ZNF18: variants seen among roughly 807,000 people sequenced by gnomAD.
ZNF18 encodes zinc finger protein 18.
In ZNF18, 42 loss-of-function variants were observed where a neutral mutation model predicts 58.1. That is an observed-to-expected ratio of 0.72 (90% CI 0.56 to 0.93). The LOEUF is 0.93. Among genes scored for constraint, ZNF18 ranks in the 40% least tolerant of loss-of-function variants. The pLI is 0.00. For synonymous variants in ZNF18, 231 were observed against 239.8 expected, an observed-to-expected ratio of 0.96 and a Z score of 0.34; for missense variants, 540 against 644.2, an observed-to-expected ratio of 0.84 and a Z score of 1.75.
At chr17:12,014,387 T>C in the ZNF18 span, among the ~76,000 whole-genome samples, 1 of 152,206 alleles carries the variant, frequency 6.6e-6, no homozygotes, top group Non-Finnish European at 1.5e-5. Flanking sequence ...TGACCCAAAA[T>C]GTCCATCAAT....
At chr17:12,019,616 T>A in the ZNF18 span, among the ~76,000 whole-genome samples, 1 of 152,052 alleles carries the variant, frequency 6.6e-6, no homozygotes, top group Non-Finnish European at 1.5e-5. Context: ...TCACCTTCAA[T>A]TTGCCTTTAA....
At chr17:12,010,258 G>T in the ZNF18 span, among the ~76,000 whole-genome samples, 1 of 151,772 alleles carries the variant, frequency 6.6e-6, no homozygotes, top group African/African-American at 2.4e-5. Context: ...GTAATTCTTC[G>T]CTATTCTAGT....
In ZNF18 at chr17:11,989,031, C is replaced by T. The variant is rs547813405; in HGVS notation, c.666+1431G>A. On this transcript the variant is annotated intron_variant, in intron 4 of 6. Transcript: ENST00000580306. ...AAAATTAGTCAGGCATGGTGGCACA[C>T]GCCTGTAATCCCAGCTACTCAGGAG... 5.9e-5 allele frequency among the ~76,000 whole-genome samples: 9 copies of T among 152,110 alleles called. No individual in the cohort carries two copies. The East Asian group carries it at 7.8e-4, about 13-fold the overall frequency.
chr17:12,019,108 C>T, the ZNF18 span, among the ~76,000 whole-genome samples: 1 of 151,956 alleles, frequency 6.6e-6, no homozygotes, highest in South Asian at 2.1e-4. Context: ...GTACCTGCCA[C>T]CACACCGGCT....
the ZNF18 span, among the ~76,000 whole-genome samples, chr17:12,003,967 T>G: frequency 2.0e-5 from 3 of 152,102 alleles, no homozygotes; most frequent in Admixed American, 2.0e-4. Context: ...GTGCAGTGAC[T>G]CACGCCTGTA....
chr17:11,983,915 C>T lies in ZNF18; in HGVS notation c.751+198G>A, dbSNP rs149392479. ...GTACCCACAAACAGTTCCTGGCACA[C>T]GGAATACTTTCAATACAAGGAAGTT... On this transcript the variant is annotated intron_variant, in intron 5 of 6. Coordinates refer to ENST00000580306, the MANE Select transcript of ZNF18 (RefSeq NM_001303281.2). Among the ~76,000 whole-genome samples, 107 of 152,272 alleles carry T rather than the reference C, an allele frequency of 7.0e-4. 3 individuals are homozygous for T. In the East Asian group the frequency reaches 0.015, roughly 21 times the overall value.
intron 5 of ZNF18, 80 bp downstream of exon 5, chr17:11,984,033 G>A: frequency 7.7e-7 from 1 of 1,290,924 alleles, no homozygotes; most frequent in Non-Finnish European, 1.1e-6. Context: ...TTCAGCAGAT[G>A]TCTCTATAAG....
chr17:11,979,180 G>A (rs1017277305), intron 6 of ZNF18, among the ~76,000 whole-genome samples: 7 of 150,348 alleles, frequency 4.7e-5, no homozygotes, highest in South Asian at 2.1e-4. Context: ...AACCAAATCC[G>A]CCTCAATCTT....
At chr17:11,989,329 CA>C (rs1967952886) in intron 4 of ZNF18, among the ~76,000 whole-genome samples, 1 of 151,842 alleles carries the variant, frequency 6.6e-6, no homozygotes, top group African/African-American at 2.4e-5. Context: ...TGTCTCAAAA[CA>C]AACGAAAAAG....
the ZNF18 span, among the ~76,000 whole-genome samples, chr17:12,004,705 A>G: frequency 0.63 from 95,235 of 151,832 alleles, 30,549 homozygotes; most frequent in East Asian, 0.81. Context: ...TGGCCAACAT[A>G]GAGAAACCAT....
chr17:11,991,261 T>C lies in ZNF18; in HGVS notation c.388-98A>G, dbSNP rs956165287. ...TCTCTACAACAGATCATAAGACAAT[T>C]TCTAAGGATGTGGAGAAAGAGAAAA... On this transcript the variant is annotated intron_variant, in intron 2 of 6. Transcript: ENST00000580306. The C allele has an allele frequency of 4.4e-5, 49 of 1,108,934 alleles. No individual in the cohort carries two copies. The East Asian group carries it at 6.9e-4, about 16-fold the overall frequency. The allele number at this position is 1,108,934 out of a possible 1,614,324, so 68.7% of individuals were successfully genotyped here.
At chr17:11,984,859 C>T (rs923474843) in intron 4 of ZNF18, among the ~76,000 whole-genome samples, 3 of 152,036 alleles carry the variant, frequency 2.0e-5, no homozygotes, top group Non-Finnish European at 4.4e-5. Context: ...AGTGCTTGTA[C>T]TAGACGTCTT....
At chr17:12,006,457 T>G in the ZNF18 span, among the ~76,000 whole-genome samples, 2 of 152,210 alleles carry the variant, frequency 1.3e-5, no homozygotes, top group African/African-American at 4.8e-5. Context: ...AGACAATATA[T>G]GTAAAATACC....
At chr17:11,995,948 T>C (rs1367990023) in intron 1 of ZNF18, among the ~76,000 whole-genome samples, 1 of 152,042 alleles carries the variant, frequency 6.6e-6, no homozygotes, top group Non-Finnish European at 1.5e-5. Flanking sequence ...ACCCAATATC[T>C]GATAGAAAAG....
intron 5 of ZNF18, 152 bp downstream of exon 5, chr17:11,983,961 C>T: frequency 1.7e-6 from 1 of 591,924 alleles, no homozygotes; most frequent in East Asian, 3.0e-5. Context: ...ATTCTGCTAG[C>T]TCCAACTTGC....
At chr17:11,988,602 G>C (rs904415038) in intron 4 of ZNF18, among the ~76,000 whole-genome samples, 13 of 152,160 alleles carry the variant, frequency 8.5e-5, no homozygotes, top group African/African-American at 2.9e-4. Flanking sequence ...ATTTCCACCA[G>C]GCAAAGTGGA....
At chr17:11,998,055 TTCTC>T (rs145467794), upstream of ZNF18, among the ~76,000 whole-genome samples, 150 of 150,610 alleles carry the variant, frequency 1.0e-3, no homozygotes, top group African/African-American at 3.0e-3. Flanking sequence ...TCTCTCTCTC[TTCTC>T]TCTCTCTCTC....
chr17:12,015,977 G>T, the ZNF18 span, among the ~76,000 whole-genome samples: 47 of 152,282 alleles, frequency 3.1e-4, no homozygotes, highest in African/African-American at 1.1e-3. Flanking sequence ...CTTTAGTAGA[G>T]ACAGGGTTTC....
upstream of ZNF18, among the ~76,000 whole-genome samples, chr17:12,001,623 C>A (rs1286515142): frequency 6.6e-6 from 1 of 151,354 alleles, no homozygotes; most frequent in Non-Finnish European, 1.5e-5. Flanking sequence ...AGAGAGACTC[C>A]GTCTCAAAAC....
Sources: allele counts gnomAD v4.1 joint callset (sites outside exome capture counted in the v4.1 genomes callset), GRCh38; gene constraint gnomAD v4.1.1; transcripts MANE v1.5; gene names NCBI Gene and HGNC (gene_info 2026-07-23, HGNC 2026-07-21).